ACO2: variants seen among roughly 807,000 people sequenced by gnomAD.
ACO2 encodes the protein aconitase 2, also known as aconitate hydratase, mitochondrial.
A neutral mutation model predicts 84.5 loss-of-function variants in ACO2; 31 were observed. The ratio of observed to expected loss-of-function variants is 0.37; its 90% CI spans 0.28 to 0.50. ACO2 has a LOEUF of 0.50. Among genes scored for constraint, ACO2 ranks in the 20% least tolerant of loss-of-function variants. The pLI is 0.97. For missense variants in ACO2, 685 were observed against 1,029.3 expected (o/e 0.67, Z 4.58); for synonymous variants, 414 against 412.7 (o/e 1.00, Z -0.04).
intron 1 of ACO2, among the ~76,000 whole-genome samples, chr22:41,490,183 C>T (rs952997264): frequency 3.3e-5 from 5 of 151,974 alleles, no homozygotes; most frequent in Non-Finnish European, 4.4e-5. Flanking sequence ...ATTAGCTGGG[C>T]GTGGTAGCAC....
At chr22:41,501,876 T>G (rs1333958380) in intron 2 of ACO2, among the ~76,000 whole-genome samples, 1 of 152,110 alleles carries the variant, frequency 6.6e-6, no homozygotes, top group Non-Finnish European at 1.5e-5. Context: ...ATCATCTAAT[T>G]ATAGTAAAGG....
chr22:41,482,739 C>T (rs1056091198), intron 1 of ACO2, among the ~76,000 whole-genome samples: 21 of 152,200 alleles, frequency 1.4e-4, no homozygotes, highest in African/African-American at 5.1e-4. Context: ...TCTAGGTTCT[C>T]TCCTTTCATC....
intron 1 of ACO2, among the ~76,000 whole-genome samples, chr22:41,491,889 T>C (rs1205956998): frequency 6.6e-6 from 1 of 152,158 alleles, no homozygotes; most frequent in African/African-American, 2.4e-5. Context: ...AATCTGACTA[T>C]AGTTCTTCAA....
At chr22:41,525,052 AG>A in intron 13 of ACO2, 84 bp downstream of exon 13, 1 of 1,608,002 alleles carries the variant, frequency 6.2e-7, no homozygotes, top group Non-Finnish European at 8.5e-7. Context: ...CTGTGCAGGC[AG>A]GGAGGGCGCT....
At chr22:41,524,418 G>C (rs551625644) in intron 12 of ACO2, among the ~76,000 whole-genome samples, 1 of 152,320 alleles carries the variant, frequency 6.6e-6, no homozygotes, top group African/African-American at 2.4e-5. Context: ...CACATGGCCA[G>C]GCTCTCTTGA....
At chr22:41,496,333 A>G (rs1389525222) in intron 1 of ACO2, among the ~76,000 whole-genome samples, 1 of 152,152 alleles carries the variant, frequency 6.6e-6, no homozygotes, top group Non-Finnish European at 1.5e-5. Flanking sequence ...AAGTAAAAGA[A>G]GAAGAGTTGC....
In ACO2 at chr22:41,523,192, C is replaced by T. The variant is rs2066541303; in HGVS notation, c.1297-13C>T. ...CCCACCCTTGACATTCTGTCTTCCT[C>T]TCTCCCTGGCAGGCACAGATCTTGA... On this transcript the variant is annotated splice_polypyrimidine_tract_variant and intron_variant, in intron 10 of 17. Coordinates refer to ENST00000216254, the MANE Select transcript of ACO2 (RefSeq NM_001098.3). 1 of 1,608,838 alleles carries T rather than the reference C, an allele frequency of 6.2e-7. No homozygotes were observed. Among genetic ancestry groups the T allele is most frequent in the Non-Finnish European group, 8.5e-7 (1 of 1,176,968 alleles).
rs2066658614 is a variant in ACO2 at position 41,528,722 on chromosome 22, G to C, written c.*109G>C. The C allele has an allele frequency of 1.4e-6, 2 of 1,447,998 alleles. No individual in the cohort carries two copies. The highest frequency in any genetic ancestry group is 1.4e-5 in the African/African-American group (1 of 71,080). The allele number at this position is 1,447,998 out of a possible 1,614,324, so 89.7% of individuals were successfully genotyped here. A position where few individuals can be genotyped will look rare whatever the true frequency, so the allele number is the denominator to read the frequency against. On this transcript the variant is annotated 3_prime_UTR_variant, in exon 18 of 18. Transcript: ENST00000216254. Reference sequence around the variant, plus strand: ...TTCCTATTCCAAGATGGTGTGACCAGACATGCTTCCTGCTCCCCGCTTAGC... The same window carrying C: ...TTCCTATTCCAAGATGGTGTGACCACACATGCTTCCTGCTCCCCGCTTAGC...
intron 1 of ACO2, among the ~76,000 whole-genome samples, chr22:41,481,504 T>C (rs973224045): frequency 6.6e-6 from 1 of 152,206 alleles, no homozygotes; most frequent in Non-Finnish European, 1.5e-5. Flanking sequence ...TGCCCGAGAA[T>C]AGGTCAGTCC....
chr22:41,475,169 CTTTTT>C (rs1161178390), intron 1 of ACO2, among the ~76,000 whole-genome samples: 2 of 120,250 alleles, frequency 1.7e-5, no homozygotes, highest in Admixed American at 8.5e-5. Context: ...TTGTTTTTTC[CTTTTT>C]TTTTTTTTTT....
At chr22:41,502,017 C>A (rs760846419) in intron 2 of ACO2, among the ~76,000 whole-genome samples, 1 of 152,150 alleles carries the variant, frequency 6.6e-6, no homozygotes, top group African/African-American at 2.4e-5. Flanking sequence ...CTCTGCCCCC[C>A]ACCATTCTGC....
At position 41,528,256 on chromosome 22, in the gene ACO2, C is replaced by T. The variant is rs983920777; in HGVS notation, c.2209-223C>T. The T allele has an allele frequency of 1.3e-5, 11 of 840,438 alleles. No individual in the cohort carries two copies. The African/African-American group carries it at 1.6e-4, about 12-fold the overall frequency. The allele number at this position is 840,438 out of a possible 1,614,324, so 52.1% of individuals were successfully genotyped here. On this transcript the variant is annotated intron_variant, in intron 17 of 17. Coordinates refer to ENST00000216254, the MANE Select transcript of ACO2 (RefSeq NM_001098.3). ...TCCCTTTACTCACCAGGACCTGGCA[C>T]TCAGGGGACAGCCCACCCACTGCAG...
intron 3 of ACO2, among the ~76,000 whole-genome samples, chr22:41,509,878 C>T (rs1262805063): frequency 7.4e-6 from 1 of 135,302 alleles, no homozygotes; most frequent in Non-Finnish European, 1.5e-5. Context: ...AGTGCAGTGA[C>T]ACACAATCTC....
intron 1 of ACO2, among the ~76,000 whole-genome samples, chr22:41,493,856 C>T (rs566402001): frequency 2.8e-4 from 43 of 152,258 alleles, no homozygotes; most frequent in Middle Eastern, 3.4e-3. Context: ...GTCAGGAGTT[C>T]GAGACCAGTC....
chr22:41,525,966 A>G (rs1601932071), intron 14 of ACO2: 1 of 324,932 alleles, frequency 3.1e-6, no homozygotes, highest in East Asian at 5.4e-5. Flanking sequence ...CTGATCTTGC[A>G]GCTGAGGCCT....
intron 6 of ACO2, chr22:41,516,150 T>TCCTA: frequency 1.5e-6 from 1 of 648,784 alleles, no homozygotes. Context: ...GCCGGTGACT[T>TCCTA]CCTAACTGTG....
At chr22:41,482,469 G>A (rs2038100309) in intron 1 of ACO2, among the ~76,000 whole-genome samples, 2 of 152,402 alleles carry the variant, frequency 1.3e-5, no homozygotes, top group East Asian at 3.9e-4. Context: ...ACAGAGATGT[G>A]TGGGAGGTGA....
chr22:41,497,600 AG>A (rs2066323814), intron 1 of ACO2, among the ~76,000 whole-genome samples: 1 of 152,008 alleles, frequency 6.6e-6, no homozygotes, highest in Non-Finnish European at 1.5e-5. Context: ...TAAAAGAATT[AG>A]GGTGGGCGCA....
intron 1 of ACO2, among the ~76,000 whole-genome samples, chr22:41,499,007 T>C (rs1435022795): frequency 6.6e-6 from 1 of 151,098 alleles, no homozygotes; most frequent in African/African-American, 2.4e-5. Flanking sequence ...GCAGGAGAAA[T>C]TGAAGCTTGA....
Sources: gnomAD v4.1 joint callset for allele counts (sites outside exome capture counted in the v4.1 genomes callset) on GRCh38, gnomAD v4.1.1 for gene constraint, MANE v1.5 for transcripts, NCBI Gene and HGNC (gene_info 2026-07-23, HGNC 2026-07-21) for gene names.